Variants in ESRRG observed in about 807,000 individuals in gnomAD.
The protein encoded by ESRRG is estrogen related receptor gamma.
In ESRRG, 13 loss-of-function variants were observed where a neutral mutation model predicts 44.0. The ratio of observed to expected loss-of-function variants is 0.30; its 90% CI spans 0.19 to 0.47. The LOEUF is 0.47. Ranked by LOEUF, ESRRG falls within the 20% of genes least tolerant of loss-of-function variation. The pLI is 1.00. For synonymous variants in ESRRG, 215 were observed against 214.6 expected (o/e 1.00, Z -0.02); for missense variants, 395 against 580.6 (o/e 0.68, Z 3.29).
chr1:217,046,080 T>C (rs760638535), intron 1 of ESRRG, among the ~76,000 whole-genome samples: 18 of 151,880 alleles, frequency 1.2e-4, no homozygotes, highest in South Asian at 6.3e-4. Context: ...TGCAGCTCAC[T>C]GTGACCCAAA....
Position 216,512,189 on chromosome 1 carries a change from C to T in ESRRG, c.1133-5006G>A, listed in dbSNP as rs2042912389. Among the ~76,000 whole-genome samples the T allele has an allele frequency of 3.3e-5, 5 of 152,122 alleles. No homozygotes were observed. In the South Asian group the frequency reaches 1.0e-3, roughly 32 times the overall value. ...CATCACAAAAAGAGACAGAAACAAA[C>T]ATTATGTATCTTGCAATGAACAATA... On this transcript the variant is annotated intron_variant, in intron 6 of 6. Coordinates refer to ENST00000408911, the MANE Select transcript of ESRRG (RefSeq NM_001438.4).
In ESRRG at chr1:216,587,637, A is replaced by G. The variant is rs749517580; in HGVS notation, c.590-19539T>C. Among the ~76,000 whole-genome samples, 51 of 152,342 alleles carry G rather than the reference A, an allele frequency of 3.3e-4. No homozygotes were observed. The Middle Eastern group carries it at 0.024, about 71-fold the overall frequency. Reference sequence around the variant, plus strand: ...AAGACTTGTCTCCCTTCCCCCTCTTAGAAAAGCATTTATGCTCAGAATTTT... The same window carrying G: ...AAGACTTGTCTCCCTTCCCCCTCTTGGAAAAGCATTTATGCTCAGAATTTT... On this transcript the variant is annotated intron_variant, in intron 3 of 6. Coordinates refer to ENST00000408911, the MANE Select transcript of ESRRG (RefSeq NM_001438.4).
rs11117689 is a variant in ESRRG at position 216,827,399 on chromosome 1, T to C, written c.-14+112183A>G. On this transcript the variant is annotated intron_variant, in intron 2 of 7. Coordinates refer to the ESRRG transcript ENST00000359162. ...TTGCTCTGGTTTGTCTTCTGATTTCTAGCATCTGACAATAACTGCAGGGAA... is the reference window on the plus strand; with the variant it reads ...TTGCTCTGGTTTGTCTTCTGATTTCCAGCATCTGACAATAACTGCAGGGAA... Among the ~76,000 whole-genome samples the C allele has an allele frequency of 5.7e-3, 874 of 152,314 alleles. 7 individuals are homozygous for C. The highest frequency in any genetic ancestry group is 0.02 in the African/African-American group (821 of 41,590).
intron 2 of ESRRG, among the ~76,000 whole-genome samples, chr1:216,796,099 G>A (rs1342844571): frequency 1.3e-5 from 2 of 152,142 alleles, no homozygotes; most frequent in South Asian, 4.1e-4. Flanking sequence ...TTCCTAAAAG[G>A]CATAGCAAGC....
chr1:216,869,027 T>A (rs929564269), intron 2 of ESRRG, among the ~76,000 whole-genome samples: 5 of 152,144 alleles, frequency 3.3e-5, no homozygotes, highest in African/African-American at 1.2e-4. Context: ...TGTCCTCTCA[T>A]TTTCTTAATA....
At chr1:216,956,804 C>T (rs1409944781) in intron 1 of ESRRG, among the ~76,000 whole-genome samples, 1 of 152,066 alleles carries the variant, frequency 6.6e-6, no homozygotes, top group African/African-American at 2.4e-5. Context: ...CAGAGGTTCG[C>T]ATGAACAATT....
At chr1:216,906,195 C>G (rs1344835579) in intron 2 of ESRRG, among the ~76,000 whole-genome samples, 1 of 151,746 alleles carries the variant, frequency 6.6e-6, no homozygotes, top group African/African-American at 2.4e-5. Flanking sequence ...CTCTACCTTT[C>G]CCTTATATAT....
chr1:216,738,624 T>C (rs2090278948), intron 2 of ESRRG, among the ~76,000 whole-genome samples: 1 of 151,932 alleles, frequency 6.6e-6, no homozygotes, highest in Non-Finnish European at 1.5e-5. Context: ...TCAAACAGAA[T>C]GTAGTAAGGG....
intron 1 of ESRRG, among the ~76,000 whole-genome samples, chr1:217,016,549 A>C (rs777698231): frequency 6.6e-6 from 1 of 152,066 alleles, no homozygotes; most frequent in Non-Finnish European, 1.5e-5. Context: ...ACCAGTTATC[A>C]TCATCATCCT....
chr1:216,565,049 C>A (rs1335230338), intron 4 of ESRRG, among the ~76,000 whole-genome samples: 1 of 152,140 alleles, frequency 6.6e-6, no homozygotes, highest in Non-Finnish European at 1.5e-5. Flanking sequence ...ATGTTACAGT[C>A]ATTTTCTCTT....
chr1:216,538,988 A>G (rs924551787), intron 5 of ESRRG, among the ~76,000 whole-genome samples: 10 of 152,082 alleles, frequency 6.6e-5, no homozygotes, highest in Non-Finnish European at 1.5e-4. Flanking sequence ...TACTCTAGCA[A>G]GCATAGGACT....
chr1:216,681,329 A>G (rs1452931750), intron 1 of ESRRG, among the ~76,000 whole-genome samples: 1 of 152,124 alleles, frequency 6.6e-6, no homozygotes, highest in Non-Finnish European at 1.5e-5. Context: ...GTTTTAGGGT[A>G]CGTGTGCACA....
chr1:216,844,566 C>G (rs150395114), intron 2 of ESRRG, among the ~76,000 whole-genome samples: 3 of 151,978 alleles, frequency 2.0e-5, no homozygotes, highest in African/African-American at 7.3e-5. Flanking sequence ...AAGTGCACCA[C>G]GCTCCTCCTC....
chr1:216,953,840 G>A (rs899878247), intron 1 of ESRRG, among the ~76,000 whole-genome samples: 3 of 151,688 alleles, frequency 2.0e-5, no homozygotes, highest in Admixed American at 1.3e-4. Flanking sequence ...AATGCTTAAA[G>A]AAATAATATA....
chr1:216,687,838 A>G (rs904159564), intron 1 of ESRRG, among the ~76,000 whole-genome samples: 1 of 152,168 alleles, frequency 6.6e-6, no homozygotes, highest in Non-Finnish European at 1.5e-5. Flanking sequence ...TTTTTGTGAA[A>G]TTTTGTTGAA....
chr1:216,707,618 G>T, intron 1 of ESRRG: 2 of 866,704 alleles, frequency 2.3e-6, no homozygotes, highest in Non-Finnish European at 3.4e-6. Context: ...ACTTAGGTAT[G>T]AAAAATCCCA....
At chr1:216,999,402 A>C (rs1033303204) in intron 1 of ESRRG, among the ~76,000 whole-genome samples, 4 of 152,202 alleles carry the variant, frequency 2.6e-5, no homozygotes, top group African/African-American at 4.8e-5. Context: ...AATACATTAC[A>C]TACATTATCT....
At position 216,912,107 on chromosome 1, in the gene ESRRG, G is replaced by GAAGAAAAGAAAAGAA. The variant is rs763291110; in HGVS notation, c.-14+27460_-14+27474dup. Among the ~76,000 whole-genome samples, 40 of 74,374 alleles carry GAAGAAAAGAAAAGAA rather than the reference G, an allele frequency of 5.4e-4. 4 individuals are homozygous for GAAGAAAAGAAAAGAA. Among genetic ancestry groups the GAAGAAAAGAAAAGAA allele is most frequent in the Non-Finnish European group, 7.5e-4 (27 of 35,874 alleles). The allele number at this position is 74,374 out of a possible 152,430, so 48.8% of individuals were successfully genotyped here. A position where few individuals can be genotyped will look rare whatever the true frequency, so the allele number is the denominator to read the frequency against. Reference sequence around the variant, plus strand: ...GAGCAAGACCCACCCTGTAAAAAAAGAAGAAAAGAAAAGAAAAGAAAAGAA... The same window carrying GAAGAAAAGAAAAGAA: ...GAGCAAGACCCACCCTGTAAAAAAAGAAGAAAAGAAAAGAAAAGAAAAGAAAAGAAAAGAAAAGAA... On this transcript the variant is annotated intron_variant, in intron 2 of 7. Coordinates refer to the ESRRG transcript ENST00000359162.
intron 2 of ESRRG, among the ~76,000 whole-genome samples, chr1:216,786,877 T>C (rs2094144176): frequency 6.6e-6 from 1 of 152,156 alleles, no homozygotes; most frequent in South Asian, 2.1e-4. Flanking sequence ...AAACCATCTG[T>C]GAATGAACTT....
Sources: gnomAD v4.1 joint callset for allele counts (sites outside exome capture counted in the v4.1 genomes callset) on GRCh38, gnomAD v4.1.1 for gene constraint, MANE v1.5 for transcripts, NCBI Gene and HGNC (gene_info 2026-07-23, HGNC 2026-07-21) for gene names.